The following AGBL1 variants were observed in gnomAD, a reference collection of about 807,000 sequenced individuals.
AGBL1 encodes AGBL carboxypeptidase 1, also known as cytosolic carboxypeptidase 4.
Under a neutral mutation model 118.9 loss-of-function variants are expected in AGBL1, and 130 were observed. That is an observed-to-expected ratio of 1.09 (90% confidence interval 0.95 to 1.26). The LOEUF is 1.26. Ranked by LOEUF, AGBL1 falls within the 50% of genes most tolerant of loss-of-function variation. AGBL1 has a pLI of 0.00. For synonymous variants in AGBL1, 555 were observed against 478.9 expected, an observed-to-expected ratio of 1.16 and a Z score of -2.08; for missense variants, 1,584 against 1,298.1, an observed-to-expected ratio of 1.22 and a Z score of -3.38.
At chr15:86,321,791 G>T (rs1180115477) in intron 17 of AGBL1, among the ~76,000 whole-genome samples, 2 of 149,116 alleles carry the variant, frequency 1.3e-5, no homozygotes, top group Admixed American at 6.7e-5. Context: ...AAAAAAAATA[G>T]AATTTATTTT....
Position 86,914,544 on chromosome 15 carries a change from A to G in AGBL1, c.*7250A>G, listed in dbSNP as rs1286293352. The G allele has an allele frequency of 6.6e-6, 1 of 152,186 alleles. No homozygotes were observed. The highest frequency in any genetic ancestry group is 1.5e-5 in the Non-Finnish European group (1 of 68,024). 9.4% of individuals were successfully genotyped at this position (152,186 alleles called of 1,614,324 possible). On this transcript the variant is annotated 3_prime_UTR_variant, in exon 23 of 23. Transcript: ENST00000614907. ...ATGAACCATAACACAGTTACAGCTA[A>G]CGTGGTAATTAGCAACACTTAGTAT...
At chr15:86,884,807 G>A (rs1176467775) in intron 22 of AGBL1, among the ~76,000 whole-genome samples, 1 of 141,934 alleles carries the variant, frequency 7.0e-6, no homozygotes, top group Non-Finnish European at 1.5e-5. Context: ...GCCAGACCTT[G>A]TGTCAAAAAC....
intron 6 of AGBL1, among the ~76,000 whole-genome samples, chr15:86,244,927 C>G (rs1294394511): frequency 2.0e-5 from 3 of 152,072 alleles, no homozygotes; most frequent in Non-Finnish European, 4.4e-5. Flanking sequence ...TGCTGTATGG[C>G]CAAGATCTGC....
chr15:86,154,109 C>T (rs1029705084), intron 3 of AGBL1, among the ~76,000 whole-genome samples: 2 of 152,062 alleles, frequency 1.3e-5, no homozygotes, highest in Non-Finnish European at 2.9e-5. Flanking sequence ...ATTCAATATT[C>T]TTAATTCTAG....
intron 18 of AGBL1, among the ~76,000 whole-genome samples, chr15:86,508,630 C>A (rs1329573188): frequency 2.6e-5 from 4 of 151,716 alleles, no homozygotes; most frequent in Non-Finnish European, 5.9e-5. Flanking sequence ...TTATGATTTA[C>A]TGAAAGTCTC....
intron 1 of AGBL1, 102 bp downstream of exon 1, chr15:86,080,125 C>T: frequency 1.1e-6 from 1 of 932,256 alleles, no homozygotes; most frequent in Non-Finnish European, 1.4e-6. Context: ...CAGTCACTGG[C>T]CCAGTTTGTT....
chr15:86,947,033 C>CA (rs1315590121), intron 23 of AGBL1, among the ~76,000 whole-genome samples: 1 of 152,096 alleles, frequency 6.6e-6, no homozygotes, highest in Non-Finnish European at 1.5e-5. Flanking sequence ...ATACTCCCTG[C>CA]AAGCACACAA....
chr15:86,410,722 T>A (rs889006406), intron 18 of AGBL1, among the ~76,000 whole-genome samples: 3 of 144,218 alleles, frequency 2.1e-5, no homozygotes, highest in African/African-American at 7.7e-5. Context: ...TTTCATTTTT[T>A]AGTTTTGCAA....
intron 7 of AGBL1, among the ~76,000 whole-genome samples, chr15:86,253,358 C>G (rs1388979268): frequency 2.0e-5 from 3 of 152,186 alleles, no homozygotes; most frequent in African/African-American, 7.2e-5. Flanking sequence ...TCAAGCGATT[C>G]TCCTGCCTCA....
intron 22 of AGBL1, among the ~76,000 whole-genome samples, chr15:86,793,345 T>G (rs1158257767): frequency 6.6e-6 from 1 of 152,190 alleles, no homozygotes; most frequent in Non-Finnish European, 1.5e-5. Flanking sequence ...ACATCTATGG[T>G]CAATTGATTT....
rs80269338 is a variant in AGBL1, at chr15:86,702,297, G to T, written c.3158+27861G>T. 1.8e-3 allele frequency among the ~76,000 whole-genome samples: 267 copies of T among 152,098 alleles called. 4 individuals carry two copies. In the East Asian group the frequency reaches 0.022, roughly 12 times the overall value. On this transcript the variant is annotated intron_variant, in intron 22 of 22. Coordinates refer to ENST00000614907, the MANE Select transcript of AGBL1 (RefSeq NM_001386094.1). Reference sequence around the variant, plus strand: ...ATTATACCTGTAATAATTCCCCATAGACTAATAAAAATATTTTACTTTCAT... The same window carrying T: ...ATTATACCTGTAATAATTCCCCATATACTAATAAAAATATTTTACTTTCAT...
At chr15:86,265,502 A>G (rs901209882) in intron 11 of AGBL1, among the ~76,000 whole-genome samples, 4 of 152,250 alleles carry the variant, frequency 2.6e-5, no homozygotes, top group Non-Finnish European at 4.4e-5. Context: ...CTTGAAAAAA[A>G]ACTGTATGCA....
intron 2 of AGBL1, among the ~76,000 whole-genome samples, chr15:86,143,268 A>G (rs1273735066): frequency 3.3e-5 from 5 of 149,342 alleles, no homozygotes; most frequent in South Asian, 2.1e-4. Context: ...CATCAATACA[A>G]TGATTCCAGA....
At chr15:86,516,769 G>C (rs2083126412) in intron 18 of AGBL1, among the ~76,000 whole-genome samples, 1 of 145,578 alleles carries the variant, frequency 6.9e-6, no homozygotes, top group Non-Finnish European at 1.5e-5. Flanking sequence ...CTCTAGCCTG[G>C]TTGACAAGAG....
intron 5 of AGBL1, among the ~76,000 whole-genome samples, chr15:86,221,175 G>A (rs2078274728): frequency 6.6e-6 from 1 of 151,976 alleles, no homozygotes; most frequent in Non-Finnish European, 1.5e-5. Flanking sequence ...TCCAGCCTGG[G>A]GGACAAGTGC....
chr15:86,587,628 A>G (rs1341013530), intron 21 of AGBL1, among the ~76,000 whole-genome samples: 2 of 152,220 alleles, frequency 1.3e-5, no homozygotes, highest in Non-Finnish European at 2.9e-5. Context: ...GTTGTCATTC[A>G]GTTTAGAGCA....
At chr15:87,002,850 G>A (rs1467948512) in intron 24 of AGBL1, among the ~76,000 whole-genome samples, 1 of 152,180 alleles carries the variant, frequency 6.6e-6, no homozygotes, top group Non-Finnish European at 1.5e-5. Context: ...CTTTGCTGAA[G>A]TTGCTTATCA....
At chr15:86,419,242 A>G (rs1034094631) in intron 18 of AGBL1, among the ~76,000 whole-genome samples, 2 of 151,928 alleles carry the variant, frequency 1.3e-5, no homozygotes, top group African/African-American at 4.8e-5. Context: ...TGATTTCTGC[A>G]TTTCCAACCG....
At chr15:86,645,453 CTG>C (rs1227084134) in intron 21 of AGBL1, among the ~76,000 whole-genome samples, 1 of 152,158 alleles carries the variant, frequency 6.6e-6, no homozygotes, top group Non-Finnish European at 1.5e-5. Context: ...TTTTTAATAA[CTG>C]AGCAGTAGAT....
Sources: gnomAD v4.1 joint callset for allele counts (sites outside exome capture counted in the v4.1 genomes callset) on GRCh38, gnomAD v4.1.1 for gene constraint, MANE v1.5 for transcripts, NCBI Gene and HGNC (gene_info 2026-07-23, HGNC 2026-07-21) for gene names.